ATXN7L1: variants seen among roughly 807,000 people sequenced by gnomAD.
The protein encoded by ATXN7L1 is ataxin 7 like 1, also known as ataxin-7-like protein 1.
Under a neutral mutation model 70.8 loss-of-function variants are expected in ATXN7L1, and 15 were observed. That is an observed-to-expected ratio of 0.21 (90% confidence interval 0.14 to 0.33). ATXN7L1 has a LOEUF of 0.33. ATXN7L1 is among the 10% of genes least tolerant of loss of function. ATXN7L1 has a pLI of 1.00. For synonymous variants in ATXN7L1, 440 were observed against 445.1 expected, an observed-to-expected ratio of 0.99 and a Z score of 0.14; for missense variants, 975 against 1,097.1, an observed-to-expected ratio of 0.89 and a Z score of 1.57.
intron 2 of ATXN7L1, among the ~76,000 whole-genome samples, chr7:105,851,675 T>G (rs139824522): frequency 2.0e-5 from 3 of 152,246 alleles, no homozygotes; most frequent in East Asian, 3.9e-4. Context: ...GGCACAGGTG[T>G]GTCTCCCCCA....
At chr7:105,694,714 T>C (rs1584754787) in intron 3 of ATXN7L1, among the ~76,000 whole-genome samples, 1 of 152,240 alleles carries the variant, frequency 6.6e-6, no homozygotes, top group South Asian at 2.1e-4. Flanking sequence ...GGAGAGGCTA[T>C]GTGATTTGGC....
At chr7:105,660,573 G>A (rs1223801149) in intron 4 of ATXN7L1, among the ~76,000 whole-genome samples, 1 of 126,754 alleles carries the variant, frequency 7.9e-6, no homozygotes, top group African/African-American at 3.1e-5. Context: ...TAGCGGAAGT[G>A]ACCTTTTTTT....
chr7:105,783,018 T>C (rs1385986662), intron 3 of ATXN7L1, among the ~76,000 whole-genome samples: 3 of 152,220 alleles, frequency 2.0e-5, no homozygotes, highest in Non-Finnish European at 2.9e-5. Context: ...TCCCTTACCA[T>C]GTGCCAGAAA....
At chr7:105,862,417 C>T (rs1337596252) in intron 2 of ATXN7L1, among the ~76,000 whole-genome samples, 6 of 152,132 alleles carry the variant, frequency 3.9e-5, no homozygotes, top group East Asian at 1.9e-4. Context: ...CCAGCCTGGG[C>T]GACCGAGCTA....
chr7:105,649,352 C>T, intron 4 of ATXN7L1: 1 of 986,768 alleles, frequency 1.0e-6, no homozygotes, highest in South Asian at 4.7e-5. Flanking sequence ...GGAAAGAAAC[C>T]CAATGCCGAG....
At chr7:105,758,802 C>T (rs150804625) in intron 3 of ATXN7L1, among the ~76,000 whole-genome samples, 778 of 152,344 alleles carry the variant, frequency 5.1e-3, no homozygotes, top group Middle Eastern at 0.02. Context: ...TCCTTCTTAG[C>T]AAACGAAGTG....
chr7:105,871,291 T>C (rs775342488), intron 2 of ATXN7L1, among the ~76,000 whole-genome samples: 1 of 152,118 alleles, frequency 6.6e-6, no homozygotes, highest in Non-Finnish European at 1.5e-5. Context: ...GATCAAAATG[T>C]AGGAAGCTGA....
chr7:105,770,557 T>C (rs1247874951), intron 3 of ATXN7L1, among the ~76,000 whole-genome samples: 1 of 152,076 alleles, frequency 6.6e-6, no homozygotes, highest in Non-Finnish European at 1.5e-5. Context: ...CCTGAGACTA[T>C]AAGTGTGTGC....
At chr7:105,729,060 T>C (rs1001904230) in intron 3 of ATXN7L1, among the ~76,000 whole-genome samples, 9 of 151,988 alleles carry the variant, frequency 5.9e-5, no homozygotes, top group Admixed American at 2.0e-4. Flanking sequence ...ACCCAGGAGT[T>C]TGAGACTAGC....
chr7:105,848,545 A>T (rs1814404258), intron 2 of ATXN7L1, among the ~76,000 whole-genome samples: 1 of 152,222 alleles, frequency 6.6e-6, no homozygotes, highest in African/African-American at 2.4e-5. Context: ...TTTACAATGG[A>T]ATACTTAATA....
At chr7:105,641,214 C>CTTTTTTTTTTTTTTTTTT (rs561100060) in intron 5 of ATXN7L1, among the ~76,000 whole-genome samples, 5 of 21,794 alleles carry the variant, frequency 2.3e-4, no homozygotes, top group Admixed American at 7.4e-4. Context: ...CTCTCTCTCT[C>CTTTTTTTTTTTTTTTTTT]TTTTTTTTTT....
intron 4 of ATXN7L1, among the ~76,000 whole-genome samples, chr7:105,662,066 C>T (rs1208484332): frequency 0.034 from 3,119 of 90,436 alleles, 94 homozygotes; most frequent in East Asian, 0.19. Context: ...TTCCTTCCTT[C>T]CTTCCTTCCT....
intron 2 of ATXN7L1, among the ~76,000 whole-genome samples, chr7:105,846,280 C>T (rs1180336897): frequency 1.3e-5 from 2 of 151,908 alleles, no homozygotes; most frequent in Non-Finnish European, 2.9e-5. Flanking sequence ...TTGAAGCCAC[C>T]GTCGGCAACA....
intron 2 of ATXN7L1, among the ~76,000 whole-genome samples, chr7:105,793,339 A>T (rs983897502): frequency 6.6e-6 from 1 of 152,082 alleles, no homozygotes; most frequent in African/African-American, 2.4e-5. Context: ...TGCTGTGATG[A>T]CTCCTACACA....
At chr7:105,726,011 T>C (rs998542803) in intron 3 of ATXN7L1, among the ~76,000 whole-genome samples, 2 of 151,224 alleles carry the variant, frequency 1.3e-5, no homozygotes, top group East Asian at 3.9e-4. Flanking sequence ...AAGTGATTCT[T>C]GTGTCCCAGC....
In ATXN7L1 at chr7:105,876,588, G is replaced by A. The variant is rs745578995; in HGVS notation, c.-30C>T. On this transcript the variant is annotated 5_prime_UTR_variant, in exon 1 of 12. Coordinates refer to ENST00000419735, the MANE Select transcript of ATXN7L1 (RefSeq NM_020725.2). ...GGAACGTTCCGACATTGAGTGTTCT[G>A]AAAGGGGGAGGGAGGGAGGAAGGGC... 11 of 823,306 alleles carry A rather than the reference G, an allele frequency of 1.3e-5. No individual in the cohort carries two copies. In the South Asian group the frequency reaches 1.4e-4, roughly 11 times the overall value. 51.0% of individuals were successfully genotyped at this position (823,306 alleles called of 1,614,324 possible).
chr7:105,747,356 C>T (rs1006415963), intron 3 of ATXN7L1, among the ~76,000 whole-genome samples: 1 of 152,154 alleles, frequency 6.6e-6, no homozygotes, highest in African/African-American at 2.4e-5. Context: ...GATAGCTGAA[C>T]ACGTGGATGC....
At chr7:105,739,235 A>G (rs1256248595) in intron 3 of ATXN7L1, among the ~76,000 whole-genome samples, 2 of 152,178 alleles carry the variant, frequency 1.3e-5, no homozygotes, top group East Asian at 3.8e-4. Flanking sequence ...GCTTTTTGCC[A>G]TTTTAAAAAA....
intron 4 of ATXN7L1, among the ~76,000 whole-genome samples, chr7:105,657,382 C>T (rs1800826614): frequency 6.6e-6 from 1 of 152,078 alleles, no homozygotes; most frequent in Non-Finnish European, 1.5e-5. Flanking sequence ...GATCCAGCAG[C>T]CACTAACCAC....
Sources: allele counts gnomAD v4.1 joint callset (sites outside exome capture counted in the v4.1 genomes callset), GRCh38; gene constraint gnomAD v4.1.1; transcripts MANE v1.5; gene names NCBI Gene and HGNC (gene_info 2026-07-23, HGNC 2026-07-21).